The following GALNT17 variants were observed in gnomAD, a reference collection of about 807,000 sequenced individuals.
The protein encoded by GALNT17 is UDP-GalNAc:polypeptide N-acetylgalactosaminyltransferase-like 3.
A neutral mutation model predicts 63.7 loss-of-function variants in GALNT17; 29 were observed. The ratio of observed to expected loss-of-function variants is 0.46; its 90% CI spans 0.34 to 0.62. The LOEUF is 0.62. GALNT17 is among the 20% of genes least tolerant of loss of function. The probability of loss-of-function intolerance (pLI) is 0.01; values close to 1 mark genes in which losing one functional copy is unlikely to be tolerated. For missense variants in GALNT17, 603 were observed against 799.6 expected, an observed-to-expected ratio of 0.75 and a Z score of 2.97; for synonymous variants, 305 against 318.3, an observed-to-expected ratio of 0.96 and a Z score of 0.45.
intron 5 of GALNT17, among the ~76,000 whole-genome samples, chr7:71,542,373 C>A: frequency 6.6e-6 from 1 of 151,864 alleles, no homozygotes. Flanking sequence ...TGCTTTGCTG[C>A]TGATTTTTCT....
intron 2 of GALNT17, among the ~76,000 whole-genome samples, chr7:71,374,398 A>C (rs1368573676): frequency 6.6e-6 from 1 of 152,336 alleles, no homozygotes; most frequent in East Asian, 1.9e-4. Context: ...TCACCCTTGC[A>C]CATGTCCAGC....
At chr7:71,691,474 A>G (rs1260707257) in intron 9 of GALNT17, among the ~76,000 whole-genome samples, 1 of 152,212 alleles carries the variant, frequency 6.6e-6, no homozygotes, top group African/African-American at 2.4e-5. Flanking sequence ...TGAACCTGCA[A>G]TATCTCAAGA....
At chr7:71,362,015 G>A (rs1458889871) in intron 2 of GALNT17, among the ~76,000 whole-genome samples, 1 of 152,068 alleles carries the variant, frequency 6.6e-6, no homozygotes, top group African/African-American at 2.4e-5. Context: ...GGGGTACAGT[G>A]GTGCAGTCTC....
chr7:71,476,658 G>C (rs1018962514), intron 5 of GALNT17, among the ~76,000 whole-genome samples: 2 of 152,218 alleles, frequency 1.3e-5, no homozygotes, highest in Admixed American at 6.5e-5. Context: ...GGCAAGTCTG[G>C]AGACATTTTT....
chr7:71,422,653 G>C (rs1482191155), intron 5 of GALNT17, among the ~76,000 whole-genome samples: 1 of 152,240 alleles, frequency 6.6e-6, no homozygotes, highest in Non-Finnish European at 1.5e-5. Flanking sequence ...CCAGGATTGA[G>C]TGTTTACAGC....
chr7:71,416,437 C>A (rs768127480), intron 4 of GALNT17, among the ~76,000 whole-genome samples: 98 of 152,168 alleles, frequency 6.4e-4, no homozygotes, highest in South Asian at 1.0e-3. Flanking sequence ...CATGGTGAGA[C>A]CCTGTCTCTA....
At chr7:71,621,055 T>C (rs1392223394) in intron 6 of GALNT17, among the ~76,000 whole-genome samples, 3 of 152,214 alleles carry the variant, frequency 2.0e-5, no homozygotes, top group African/African-American at 7.2e-5. Flanking sequence ...TTAAAAACTA[T>C]GTTAATTATA....
chr7:71,647,283 G>A lies in GALNT17; in HGVS notation c.1081-18128G>A, dbSNP rs1295703841. Reference sequence around the variant, plus strand: ...GGGATTTCACCATGTTGGCCAGGCTGGTCTCAAACTCCTGACTTCAAGTGA... The same window carrying A: ...GGGATTTCACCATGTTGGCCAGGCTAGTCTCAAACTCCTGACTTCAAGTGA... On this transcript the variant is annotated intron_variant, in intron 6 of 10. Coordinates refer to ENST00000333538, the MANE Select transcript of GALNT17 (RefSeq NM_022479.3). Among the ~76,000 whole-genome samples, 4 of 147,710 alleles carry A rather than the reference G, an allele frequency of 2.7e-5. No homozygotes were observed. In the East Asian group the frequency reaches 7.8e-4, roughly 29 times the overall value.
At chr7:71,491,378 C>A (rs895504577) in intron 5 of GALNT17, among the ~76,000 whole-genome samples, 1 of 152,034 alleles carries the variant, frequency 6.6e-6, no homozygotes, top group African/African-American at 2.4e-5. Flanking sequence ...GAAGCAGGCA[C>A]GACGCCTTCT....
At chr7:71,350,608 T>C (rs558520282) in intron 2 of GALNT17, among the ~76,000 whole-genome samples, 45 of 152,354 alleles carry the variant, frequency 3.0e-4, no homozygotes, top group African/African-American at 1.0e-3. Flanking sequence ...TTACATATTA[T>C]AAGTAATCTA....
chr7:71,169,624 T>C (rs1788508722), intron 1 of GALNT17, among the ~76,000 whole-genome samples: 2 of 152,192 alleles, frequency 1.3e-5, no homozygotes, highest in Non-Finnish European at 2.9e-5. Flanking sequence ...GGCGTGATCA[T>C]GGCTCACTGC....
At chr7:71,360,996 G>A (rs1792390016) in intron 2 of GALNT17, among the ~76,000 whole-genome samples, 1 of 152,136 alleles carries the variant, frequency 6.6e-6, no homozygotes, top group South Asian at 2.1e-4. Flanking sequence ...TTCACATCAA[G>A]AAACAAATAA....
intron 5 of GALNT17, among the ~76,000 whole-genome samples, chr7:71,507,834 T>C (rs1788291717): frequency 6.6e-6 from 1 of 152,306 alleles, no homozygotes; most frequent in East Asian, 1.9e-4. Context: ...ATAAGCCTAA[T>C]TGTTTTAAGC....
At chr7:71,479,425 G>A (rs1304937353) in intron 5 of GALNT17, among the ~76,000 whole-genome samples, 1 of 152,212 alleles carries the variant, frequency 6.6e-6, no homozygotes, top group African/African-American at 2.4e-5. Flanking sequence ...GTGACAGGTG[G>A]AGACAGCTTC....
chr7:71,393,419 CTA>C (rs1793084450), intron 3 of GALNT17, among the ~76,000 whole-genome samples: 1 of 152,168 alleles, frequency 6.6e-6, no homozygotes, highest in Non-Finnish European at 1.5e-5. Flanking sequence ...ACTGAAGAGA[CTA>C]ACCAGAGGCA....
chr7:71,415,161 A>T (rs997431519), intron 3 of GALNT17, among the ~76,000 whole-genome samples: 6 of 151,984 alleles, frequency 3.9e-5, no homozygotes, highest in Admixed American at 3.9e-4. Flanking sequence ...ACAACACTGC[A>T]CTCAGCCAAG....
rs1791486804 is a variant in GALNT17 at position 71,693,293 on chromosome 7, C to T, written c.1500+15987C>T. Among the ~76,000 whole-genome samples, 5 of 121,038 alleles carry T rather than the reference C, an allele frequency of 4.1e-5. No homozygotes were observed. In the East Asian group the frequency reaches 2.7e-3, roughly 66 times the overall value. The allele number at this position is 121,038 out of a possible 152,430, so 79.4% of individuals were successfully genotyped here. Reference sequence around the variant, plus strand: ...ACACACACACACACACACACACACACACACACACACACACACATATATATA... The same window carrying T: ...ACACACACACACACACACACACACATACACACACACACACACATATATATA... On this transcript the variant is annotated intron_variant, in intron 9 of 10. Transcript: ENST00000333538.
chr7:71,610,918 G>A (rs560506260), intron 6 of GALNT17, among the ~76,000 whole-genome samples: 66 of 151,252 alleles, frequency 4.4e-4, no homozygotes, highest in South Asian at 1.7e-3. Context: ...TTTGGAAGGC[G>A]GAGGTTGCAG....
At chr7:71,230,284 A>G (rs954338942) in intron 1 of GALNT17, among the ~76,000 whole-genome samples, 7 of 152,048 alleles carry the variant, frequency 4.6e-5, no homozygotes, top group South Asian at 2.1e-4. Flanking sequence ...AGCAGATTGA[A>G]TAGGGGTTTA....
Sources: allele counts gnomAD v4.1 joint callset (sites outside exome capture counted in the v4.1 genomes callset), GRCh38; gene constraint gnomAD v4.1.1; transcripts MANE v1.5; gene names NCBI Gene and HGNC (gene_info 2026-07-23, HGNC 2026-07-21).